The following NTM variants were observed in gnomAD, a reference collection of about 807,000 sequenced individuals.
The protein encoded by NTM is neurotrimin.
In NTM, 13 loss-of-function variants were observed where a neutral mutation model predicts 42.1. That is an observed-to-expected ratio of 0.31 (90% confidence interval 0.20 to 0.49). The LOEUF is 0.49. Among genes scored for constraint, NTM ranks in the 20% least tolerant of loss-of-function variants. The pLI, the probability that NTM is intolerant of heterozygous loss-of-function variation, is 0.99. For missense variants in NTM, 373 were observed against 452.8 expected, an observed-to-expected ratio of 0.82 and a Z score of 1.60; for synonymous variants, 187 against 179.2, an observed-to-expected ratio of 1.04 and a Z score of -0.35.
rs370353926 is a variant in NTM at position 132,307,709 on chromosome 11, G to A, written c.547G>A (p.Asp183Asn). ...SPKAVGFVSE[D>N]EYLEIQGITR... ...CGCAGCGGTTGGCTTTGTGAGTGAA[G>A]ACGAATACTTGGAAATTCAGGGCAT... Residue 183 changes from aspartate to asparagine, a missense_variant, in exon 5 of 9, where the codon GAC becomes AAC. Coordinates refer to ENST00000683400, the MANE Select transcript of NTM (RefSeq NM_001352005.2). 9 of 1,614,082 alleles carry A rather than the reference G, an allele frequency of 5.6e-6. No homozygotes were observed. In the African/African-American group the frequency reaches 1.1e-4, roughly 19 times the overall value.
chr11:132,315,509 T>G (rs1232079964), intron 7 of NTM, among the ~76,000 whole-genome samples: 1 of 152,208 alleles, frequency 6.6e-6, no homozygotes, highest in East Asian at 1.9e-4. Flanking sequence ...TCAAGTTCTT[T>G]GAGCTTGAGA....
chr11:131,377,305 G>T (rs551543090), intron 1 of NTM, among the ~76,000 whole-genome samples: 1 of 152,274 alleles, frequency 6.6e-6, no homozygotes, highest in East Asian at 1.9e-4. Context: ...TGTCTTTGTG[G>T]TCATTGTCTT....
At chr11:131,471,331 G>A (rs1412720275) in intron 1 of NTM, among the ~76,000 whole-genome samples, 1 of 152,172 alleles carries the variant, frequency 6.6e-6, no homozygotes. Flanking sequence ...TTTTTACGGA[G>A]TGCTCTCTGT....
chr11:132,237,698 C>A (rs1004384606), intron 4 of NTM, among the ~76,000 whole-genome samples: 1 of 152,140 alleles, frequency 6.6e-6, no homozygotes, highest in African/African-American at 2.4e-5. Flanking sequence ...AGCCAACTGT[C>A]CTCCCCTGTA....
chr11:131,614,296 A>T (rs531414494), intron 1 of NTM, among the ~76,000 whole-genome samples: 52 of 152,306 alleles, frequency 3.4e-4, no homozygotes, highest in African/African-American at 1.2e-3. Context: ...GGTTCCCATA[A>T]ATGCCCCATG....
intron 1 of NTM, among the ~76,000 whole-genome samples, chr11:131,506,296 G>A (rs1293549917): frequency 6.6e-6 from 1 of 152,148 alleles, no homozygotes; most frequent in Admixed American, 6.5e-5. Flanking sequence ...GAGGCTTTAT[G>A]TCTGTTGGTG....
intron 2 of NTM, among the ~76,000 whole-genome samples, chr11:132,093,980 C>T (rs1285212369): frequency 2.0e-5 from 3 of 152,148 alleles, no homozygotes; most frequent in Admixed American, 1.3e-4. Context: ...GTGGTGAAGA[C>T]TTATGGGCAG....
intron 1 of NTM, among the ~76,000 whole-genome samples, chr11:131,448,524 CT>C (rs1950239087): frequency 6.6e-6 from 1 of 152,234 alleles, no homozygotes; most frequent in Non-Finnish European, 1.5e-5. Flanking sequence ...CCAGGAAGAC[CT>C]TATGGGTGCT....
At chr11:131,533,426 G>T (rs951137148) in intron 1 of NTM, among the ~76,000 whole-genome samples, 3 of 152,192 alleles carry the variant, frequency 2.0e-5, no homozygotes, top group African/African-American at 7.2e-5. Flanking sequence ...ACCAGCCCAG[G>T]AGAGAATGGG....
At chr11:131,910,448 G>A (rs556765511) in intron 1 of NTM, among the ~76,000 whole-genome samples, 11 of 150,656 alleles carry the variant, frequency 7.3e-5, no homozygotes, top group Non-Finnish European at 1.6e-4. Context: ...CGCGGCGGGG[G>A]TTAAGGTGGG....
intron 1 of NTM, among the ~76,000 whole-genome samples, chr11:131,745,106 C>T (rs2081648378): frequency 6.6e-6 from 1 of 152,202 alleles, no homozygotes; most frequent in Non-Finnish European, 1.5e-5. Flanking sequence ...TGGGGTTGTG[C>T]TGACTTGCTC....
intron 1 of NTM, among the ~76,000 whole-genome samples, chr11:131,508,397 G>A (rs1198301870): frequency 4.0e-5 from 6 of 150,662 alleles, no homozygotes; most frequent in African/African-American, 1.5e-4. Flanking sequence ...AGGTGCTAAA[G>A]AGGATGTGGA....
intron 7 of NTM, 139 bp downstream of exon 7, chr11:132,314,842 A>C: frequency 1.4e-6 from 2 of 1,395,654 alleles, no homozygotes; most frequent in Non-Finnish European, 1.9e-6. Flanking sequence ...AAAAAGAGAG[A>C]GACACAGAAA....
chr11:131,525,754 C>T lies in NTM; in HGVS notation c.82+154866C>T, dbSNP rs572715471. Among the ~76,000 whole-genome samples the T allele has an allele frequency of 3.9e-5, 6 of 152,250 alleles. No individual in the cohort carries two copies. In the South Asian group the frequency reaches 1.2e-3, roughly 32 times the overall value. On this transcript the variant is annotated intron_variant, in intron 1 of 8. Transcript: ENST00000683400. ...CTTTGCTGTTTCCTAGATGTATGAACTTTGGCAAGGTAATTAATCTCTCTG... is the reference window on the plus strand; with the variant it reads ...CTTTGCTGTTTCCTAGATGTATGAATTTTGGCAAGGTAATTAATCTCTCTG...
intron 1 of NTM, among the ~76,000 whole-genome samples, chr11:131,904,725 C>T (rs1032489577): frequency 2.0e-5 from 3 of 152,182 alleles, no homozygotes; most frequent in Non-Finnish European, 2.9e-5. Context: ...GGTGGATTGG[C>T]TACTTTTCTG....
At position 131,375,010 on chromosome 11, in the gene NTM, A is replaced by G. The variant is rs935674400; in HGVS notation, c.82+4122A>G. On this transcript the variant is annotated intron_variant, in intron 1 of 8. Coordinates refer to ENST00000683400, the MANE Select transcript of NTM (RefSeq NM_001352005.2). ...TAAAGATTAACAAACAAACAAACAA[A>G]AAACCCACATTGCTCTCTCTCTTGC... Among the ~76,000 whole-genome samples, 5 of 152,304 alleles carry G rather than the reference A, an allele frequency of 3.3e-5. No homozygotes were observed. In the East Asian group the frequency reaches 9.7e-4, roughly 29 times the overall value.
intron 1 of NTM, among the ~76,000 whole-genome samples, chr11:131,595,648 C>T (rs867563823): frequency 6.6e-6 from 1 of 152,140 alleles, no homozygotes; most frequent in Admixed American, 6.5e-5. Context: ...TTTGCCGGAA[C>T]GGACTCTTCA....
intron 1 of NTM, among the ~76,000 whole-genome samples, chr11:131,787,458 C>T (rs2089453323): frequency 6.6e-6 from 1 of 151,470 alleles, no homozygotes; most frequent in Non-Finnish European, 1.5e-5. Flanking sequence ...CGGCTCTCTG[C>T]AGCCTCCTCC....
intron 1 of NTM, among the ~76,000 whole-genome samples, chr11:131,906,661 G>A (rs559196021): frequency 1.3e-5 from 2 of 152,092 alleles, no homozygotes; most frequent in Admixed American, 6.5e-5. Flanking sequence ...TGCTCCCCCT[G>A]ACTTTTCTGT....
Sources: allele counts gnomAD v4.1 joint callset (sites outside exome capture counted in the v4.1 genomes callset), GRCh38; gene constraint gnomAD v4.1.1; transcripts MANE v1.5; gene names NCBI Gene and HGNC (gene_info 2026-07-23, HGNC 2026-07-21).